The following PRKCE variants were observed in gnomAD, a reference collection of about 807,000 sequenced individuals.
The protein encoded by PRKCE is protein kinase C epsilon type.
PRKCE carries 16 observed loss-of-function variants against 85.4 expected under a neutral mutation model. The observed-to-expected ratio is 0.19, with a 90% CI of 0.13 to 0.28. PRKCE has a LOEUF of 0.28. Among genes scored for constraint, PRKCE ranks in the 10% least tolerant of loss-of-function variants. PRKCE has a pLI of 1.00. For synonymous variants in PRKCE, 388 were observed against 371.5 expected (o/e 1.04, Z -0.51); for missense variants, 573 against 975.2 (o/e 0.59, Z 5.49).
At chr2:45,740,645 T>A (rs1228793805) in intron 1 of PRKCE, among the ~76,000 whole-genome samples, 1 of 152,192 alleles carries the variant, frequency 6.6e-6, no homozygotes, top group African/African-American at 2.4e-5. Context: ...GTTTTTGTAT[T>A]CCCCATTCTC....
intron 2 of PRKCE, among the ~76,000 whole-genome samples, chr2:45,943,540 G>A (rs116817694): frequency 6.6e-6 from 1 of 152,206 alleles, no homozygotes; most frequent in South Asian, 2.1e-4. Context: ...CTCCCACAAA[G>A]ACTCAAAATG....
At chr2:45,763,479 C>G (rs575120180) in intron 1 of PRKCE, among the ~76,000 whole-genome samples, 2 of 152,262 alleles carry the variant, frequency 1.3e-5, no homozygotes, top group Admixed American at 1.3e-4. Flanking sequence ...TGTTGTGCAG[C>G]CTAGTACAGG....
intron 10 of PRKCE, among the ~76,000 whole-genome samples, chr2:46,015,857 C>A (rs1374671778): frequency 6.6e-6 from 1 of 152,152 alleles, no homozygotes; most frequent in Middle Eastern, 3.2e-3. Flanking sequence ...ACTACTACTC[C>A]GAAGGAGTTG....
chr2:45,820,220 A>C (rs529091009), intron 1 of PRKCE, among the ~76,000 whole-genome samples: 6 of 152,138 alleles, frequency 3.9e-5, no homozygotes, highest in Non-Finnish European at 8.8e-5. Context: ...GTGCCCAGAA[A>C]TGTTCTATGT....
At chr2:45,723,131 T>C (rs7577664) in intron 1 of PRKCE, among the ~76,000 whole-genome samples, 22,418 of 152,108 alleles carry the variant, frequency 0.15, 1,757 homozygotes, top group Non-Finnish European at 0.17. Context: ...AAGTTAACAG[T>C]GTATTTGTTC....
chr2:46,114,826 A>T (rs1359598419), intron 11 of PRKCE, among the ~76,000 whole-genome samples: 1 of 152,144 alleles, frequency 6.6e-6, no homozygotes, highest in African/African-American at 2.4e-5. Flanking sequence ...GTGAGTTTAA[A>T]ATAGGTGTGT....
intron 2 of PRKCE, among the ~76,000 whole-genome samples, chr2:45,920,284 G>C (rs560845615): frequency 6.6e-6 from 1 of 152,328 alleles, no homozygotes; most frequent in African/African-American, 2.4e-5. Flanking sequence ...TCAGCTTGGG[G>C]CTTTCTAACT....
intron 11 of PRKCE, among the ~76,000 whole-genome samples, chr2:46,106,618 C>A (rs1051879558): frequency 7.2e-5 from 11 of 152,230 alleles, no homozygotes. Context: ...TTGCAGAAGG[C>A]TGCTTTCCTG....
chr2:45,752,547 C>T (rs1683663228), intron 1 of PRKCE, among the ~76,000 whole-genome samples: 1 of 152,014 alleles, frequency 6.6e-6, no homozygotes, highest in Non-Finnish European at 1.5e-5. Flanking sequence ...GTGATCACTT[C>T]ACCTCTCTGA....
chr2:45,663,420 T>C (rs1267445621), intron 1 of PRKCE, among the ~76,000 whole-genome samples: 2 of 152,072 alleles, frequency 1.3e-5, no homozygotes, highest in East Asian at 3.8e-4. Flanking sequence ...GGCTTCTTGG[T>C]AATATTTTGA....
At chr2:45,815,510 T>C (rs1688972192) in intron 1 of PRKCE, among the ~76,000 whole-genome samples, 1 of 152,196 alleles carries the variant, frequency 6.6e-6, no homozygotes, top group African/African-American at 2.4e-5. Context: ...AGGTGCTTTG[T>C]CTTTTTCTTC....
intron 11 of PRKCE, among the ~76,000 whole-genome samples, chr2:46,122,103 C>T (rs1004555359): frequency 6.6e-6 from 1 of 152,168 alleles, no homozygotes; most frequent in Non-Finnish European, 1.5e-5. Flanking sequence ...ATTCCCAGCA[C>T]GAGGCAGGCT....
At chr2:46,039,114 C>T (rs926697450) in intron 10 of PRKCE, among the ~76,000 whole-genome samples, 23 of 152,162 alleles carry the variant, frequency 1.5e-4, no homozygotes, top group African/African-American at 5.6e-4. Flanking sequence ...ATCTACTTCT[C>T]TGTGTTTCGG....
At chr2:45,673,527 C>G (rs569828616) in intron 1 of PRKCE, among the ~76,000 whole-genome samples, 1 of 152,266 alleles carries the variant, frequency 6.6e-6, no homozygotes, top group Admixed American at 6.5e-5. Context: ...GAATCTGGAC[C>G]CTACTATTTA....
chr2:45,702,412 T>G (rs1262555396), intron 1 of PRKCE, among the ~76,000 whole-genome samples: 1 of 152,176 alleles, frequency 6.6e-6, no homozygotes, highest in Non-Finnish European at 1.5e-5. Flanking sequence ...ACAATCAGTT[T>G]TCATAGTGAT....
At chr2:45,967,445 G>A (rs79703290) in intron 2 of PRKCE, among the ~76,000 whole-genome samples, 6,792 of 152,250 alleles carry the variant, frequency 0.045, 185 homozygotes, top group Non-Finnish European at 0.068. Flanking sequence ...TAGACCAGCA[G>A]AGGGAGAGAA....
At chr2:46,090,068 A>G (rs949023948) in intron 11 of PRKCE, among the ~76,000 whole-genome samples, 1 of 152,148 alleles carries the variant, frequency 6.6e-6, no homozygotes, top group Non-Finnish European at 1.5e-5. Context: ...TGAAAACAGA[A>G]TGGTCATGAG....
chr2:45,804,408 C>T (rs141338261), intron 1 of PRKCE, among the ~76,000 whole-genome samples: 2 of 152,296 alleles, frequency 1.3e-5, no homozygotes, highest in African/African-American at 2.4e-5. Flanking sequence ...CATGCCGAGT[C>T]GAGGTGGCCG....
chr2:45,688,158 C>T (rs570249601), intron 1 of PRKCE, among the ~76,000 whole-genome samples: 1 of 152,222 alleles, frequency 6.6e-6, no homozygotes, highest in Non-Finnish European at 1.5e-5. Context: ...ACCTGTTACA[C>T]AGTCCATCAG....
Sources: allele counts gnomAD v4.1 joint callset (sites outside exome capture counted in the v4.1 genomes callset), GRCh38; gene constraint gnomAD v4.1.1; transcripts MANE v1.5; gene names NCBI Gene and HGNC (gene_info 2026-07-23, HGNC 2026-07-21).